CFAP74: variants seen among roughly 807,000 people sequenced by gnomAD.
The protein encoded by CFAP74 is cilia and flagella associated protein 74.
In CFAP74, 124 loss-of-function variants were observed where a neutral mutation model predicts 188.9. The ratio of observed to expected loss-of-function variants is 0.66; its 90% CI spans 0.57 to 0.76. CFAP74 has a LOEUF of 0.76. CFAP74 is among the 30% of genes least tolerant of loss of function. The probability of loss-of-function intolerance (pLI) is 0.00; values close to 1 mark genes in which losing one functional copy is unlikely to be tolerated. For missense variants in CFAP74, 2,198 were observed against 2,165.2 expected (o/e 1.02, Z -0.30); for synonymous variants, 956 against 916.7 (o/e 1.04, Z -0.77).
At chr1:1,961,216 G>C (rs59353179) in intron 14 of CFAP74, among the ~76,000 whole-genome samples, 9,459 of 152,224 alleles carry the variant, frequency 0.062, 990 homozygotes, top group African/African-American at 0.21. Context: ...GCCGGAGAAT[G>C]AATGGGGGAG....
chr1:1,971,303 A>C (rs944370246), intron 9 of CFAP74, among the ~76,000 whole-genome samples: 1 of 148,932 alleles, frequency 6.7e-6, no homozygotes, highest in South Asian at 2.1e-4. Flanking sequence ...ACACGCTCAC[A>C]CATGCACACC....
intron 25 of CFAP74, 94 bp from the exon 26 acceptor site, chr1:1,930,430 G>A (rs1161357577): frequency 1.6e-5 from 20 of 1,231,552 alleles, no homozygotes; most frequent in Middle Eastern, 2.3e-4. Context: ...GACAAGCCCC[G>A]GGGGGGGCTC....
At chr1:1,977,994 G>A (rs1051009589) in intron 6 of CFAP74, among the ~76,000 whole-genome samples, 12 of 152,160 alleles carry the variant, frequency 7.9e-5, no homozygotes, top group African/African-American at 1.7e-4. Flanking sequence ...GATTACAGGT[G>A]CACGCCACCA....
At chr1:1,986,176 A>T (rs13302992) in intron 5 of CFAP74, among the ~76,000 whole-genome samples, 46,034 of 152,088 alleles carry the variant, frequency 0.3, 7,244 homozygotes, top group Non-Finnish European at 0.34. Flanking sequence ...CAAGGTCAGG[A>T]GTTCAAGACC....
At chr1:1,980,600 C>T (rs577511462) in intron 6 of CFAP74, among the ~76,000 whole-genome samples, 8 of 152,354 alleles carry the variant, frequency 5.3e-5, no homozygotes, top group African/African-American at 1.9e-4. Flanking sequence ...TTGGGGGTTC[C>T]TGGGACCTGC....
At chr1:1,982,323 C>T (rs1201449196) in intron 6 of CFAP74, among the ~76,000 whole-genome samples, 9 of 144,710 alleles carry the variant, frequency 6.2e-5, no homozygotes, top group East Asian at 2.1e-4. Context: ...CGTGGTCACA[C>T]GCGGGGACAC....
At position 1,923,208 on chromosome 1, in the gene CFAP74, C is replaced by T; in HGVS notation, c.4523-63G>A. The T allele has an allele frequency of 6.5e-7, 1 of 1,528,602 alleles. No individual in the cohort carries two copies. The highest frequency in any genetic ancestry group is 2.2e-5 in the Admixed American group (1 of 44,694). The allele number at this position is 1,528,602 out of a possible 1,614,324, so 94.7% of individuals were successfully genotyped here. ...GCTGAGGCATGGGGTGAGGCTGCAG[C>T]TGGACTCCTGAACTCTGGTTAGCAG... On this transcript the variant is annotated intron_variant, in intron 36 of 38. Transcript: ENST00000682832. This position sits in a 1 kb window ranked among gnomAD's most constrained non-coding sequence, Gnocchi z 6.3.
intron 12 of CFAP74, 68 bp from the exon 13 acceptor site, chr1:1,965,129 G>C (rs373438960): frequency 6.7e-7 from 1 of 1,481,612 alleles, no homozygotes; most frequent in East Asian, 2.3e-5. Flanking sequence ...GTGGCAGCTC[G>C]GAGGCGAGGG....
In CFAP74 at chr1:1,985,421, C is replaced by A; in HGVS notation, c.465G>T (p.Leu155=). Residue 155 remains leucine (L), a synonymous_variant, in exon 6 of 39, where the codon CTG becomes CTT. Coordinates refer to ENST00000682832, the MANE Select transcript of CFAP74 (RefSeq NM_001304360.2). ...TCAGCACGGCCTCAGTCCTCGACTG[C>A]AGGTCTCTCTCGTTCTCCAGCTCTG... ...LFAELENERD[L]QSRTEAVLKE... The A allele has an allele frequency of 1.2e-6, 2 of 1,614,128 alleles. No individual in the cohort carries two copies. The highest frequency in any genetic ancestry group is 1.7e-6 in the Non-Finnish European group (2 of 1,180,036).
In CFAP74 at chr1:1,986,969, G is replaced by A. The variant is rs755416615; in HGVS notation, c.363C>T (p.Ala121=). 41 of 1,601,622 alleles carry A rather than the reference G, an allele frequency of 2.6e-5. No homozygotes were observed. Among genetic ancestry groups the A allele is most frequent in the Non-Finnish European group, 2.7e-5 (32 of 1,179,694 alleles). Residue 121 remains alanine, a synonymous_variant, in exon 5 of 39, where the codon GCC becomes GCT. Coordinates refer to ENST00000682832, the MANE Select transcript of CFAP74 (RefSeq NM_001304360.2). ...CCGCCTCTTCCTCTGTGGCGATCTC[G>A]GCTGCCACAGCCTCCTGCTGCTTGT... ...LIDKQQEAVA[A]EIATEEEAGN... is the part of the protein sequence containing the mutation.
In CFAP74 at chr1:1,941,293, C is replaced by T. The variant is rs565849350; in HGVS notation, c.2615+735G>A. On this transcript the variant is annotated intron_variant, in intron 22 of 38. Coordinates refer to ENST00000682832, the MANE Select transcript of CFAP74 (RefSeq NM_001304360.2). ...CCGTGCCTGCTGCGCCCACCTCCCC[C>T]ACCAAGCTCCACTGAGCATCATTTG... is the stretch of plus-strand genomic sequence containing the variant. Among the ~76,000 whole-genome samples, 180 of 152,360 alleles carry T rather than the reference C, an allele frequency of 1.2e-3. 1 individual carries two copies. The highest frequency in any genetic ancestry group is 2.3e-3 in the Non-Finnish European group (154 of 68,032).
At chr1:1,983,441 C>T (rs891272706) in intron 6 of CFAP74, among the ~76,000 whole-genome samples, 1 of 152,234 alleles carries the variant, frequency 6.6e-6, no homozygotes, top group African/African-American at 2.4e-5. Context: ...TGGTCATCAC[C>T]CCCAGGGGCA....
chr1:1,940,126 C>T (rs555198890), intron 23 of CFAP74, among the ~76,000 whole-genome samples, 190 bp downstream of exon 23: 1 of 152,350 alleles, frequency 6.6e-6, no homozygotes, highest in East Asian at 1.9e-4. Context: ...GGATGGGCCT[C>T]GGAGGCCTCT....
chr1:1,930,164 A>T lies in CFAP74; in HGVS notation c.3184T>A (p.Ser1062Thr), dbSNP rs1456600487. The T allele has an allele frequency of 3.3e-6, 5 of 1,535,610 alleles. No homozygotes were observed. The highest frequency in any genetic ancestry group is 4.4e-6 in the Non-Finnish European group (5 of 1,146,704). Residue 1062 changes from serine (S) to threonine (T), a missense_variant, in exon 26 of 39, where the codon TCA becomes ACA. Physicochemically the swap from Ser to Thr is moderately conservative, Grantham distance 58. Coordinates refer to ENST00000682832, the MANE Select transcript of CFAP74 (RefSeq NM_001304360.2). Reference protein sequence around the residue: ...SPTHSKPRIGSEDASPMGPTS... With the variant: ...SPTHSKPRIGTEDASPMGPTS... ...GGCCCCATGGGAGAGGCGTCCTCTG[A>T]GCCAATGCGGGGCTTGGAGTGGGTC...
chr1:1,922,643 C>A lies in CFAP74; in HGVS notation c.4764G>T (p.Glu1588Asp), dbSNP rs1158909818. Residue 1588 changes from glutamate (E) to aspartate (D), a missense_variant, in exon 38 of 39, where the codon GAG becomes GAT. Physicochemically the swap from Glu to Asp is conservative, Grantham distance 45. Coordinates refer to ENST00000682832, the MANE Select transcript of CFAP74 (RefSeq NM_001304360.2). ...FSIEPSRGSVERGQTKTISIS... is the reference protein window; with the variant it reads ...FSIEPSRGSVDRGQTKTISIS... ...TGCTGATGGTCTTCGTCTGGCCGCGCTCCACGGAGCCCCTGGAGGGCTCAA... is the reference window on the plus strand; with the variant it reads ...TGCTGATGGTCTTCGTCTGGCCGCGATCCACGGAGCCCCTGGAGGGCTCAA... The A allele has an allele frequency of 6.2e-7, 1 of 1,604,440 alleles. No homozygotes were observed. Among genetic ancestry groups the A allele is most frequent in the Admixed American group, 1.7e-5 (1 of 59,714 alleles).
At chr1:1,978,023 AT>A (rs768668548) in intron 6 of CFAP74, among the ~76,000 whole-genome samples, 1 of 152,096 alleles carries the variant, frequency 6.6e-6, no homozygotes, top group Non-Finnish European at 1.5e-5. Context: ...TAAGTTTGGT[AT>A]TTTTTGTACA....
intron 11 of CFAP74, among the ~76,000 whole-genome samples, chr1:1,967,049 G>C (rs1227446453): frequency 6.6e-6 from 1 of 152,172 alleles, no homozygotes; most frequent in African/African-American, 2.4e-5. Context: ...TGTTGGCCAG[G>C]CTGGTCTCGA....
intron 15 of CFAP74, 123 bp from the exon 16 acceptor site, chr1:1,959,332 C>A: frequency 1.6e-6 from 1 of 644,608 alleles, no homozygotes. Flanking sequence ...GCTCGATTCA[C>A]TGCAACCCCC....
chr1:1,959,824 A>T (rs2474454), intron 15 of CFAP74, 140 bp downstream of exon 15: 70,328 of 668,712 alleles, frequency 0.11, 5,397 homozygotes, highest in Admixed American at 0.29. Context: ...GAAGTAAAAT[A>T]GCAAAACAGG....
Sources: allele counts gnomAD v4.1 joint callset (sites outside exome capture counted in the v4.1 genomes callset), GRCh38; gene constraint gnomAD v4.1.1; non-coding constraint Gnocchi (gnomAD v3.1); transcripts MANE v1.5; gene names NCBI Gene and HGNC (gene_info 2026-07-23, HGNC 2026-07-21).